Variants in ZNF75A observed in about 807,000 individuals in gnomAD.
The protein encoded by ZNF75A is zinc finger protein 75A.
In ZNF75A, 36 loss-of-function variants were observed where a neutral mutation model predicts 46.3. The ratio of observed to expected loss-of-function variants is 0.78; its 90% CI spans 0.60 to 1.03. The LOEUF (loss-of-function observed/expected upper bound fraction) is 1.03, where lower values mean the gene tolerates loss of function less well. ZNF75A is among the 50% of genes least tolerant of loss of function. The probability of loss-of-function intolerance (pLI) is 0.00; values close to 1 mark genes in which losing one functional copy is unlikely to be tolerated. For missense variants in ZNF75A, 595 were observed against 551.3 expected, an observed-to-expected ratio of 1.08 and a Z score of -0.79; for synonymous variants, 234 against 189.9, an observed-to-expected ratio of 1.23 and a Z score of -1.91.
At chr16:3,314,975 G>A in intron 5 of ZNF75A, 3 of 985,348 alleles carry the variant, frequency 3.0e-6, no homozygotes, top group Non-Finnish European at 3.6e-6. Flanking sequence ...GGAGCTGGTT[G>A]ATTCTCAACT....
Position 3,305,631 on chromosome 16 carries a change from C to T in ZNF75A, c.-129C>T, listed in dbSNP as rs910310444. 1.3e-5 allele frequency: 2 copies of T among 152,252 alleles called. No individual in the cohort carries two copies. The highest frequency in any genetic ancestry group is 6.5e-5 in the Admixed American group (1 of 15,292). 9.4% of individuals were successfully genotyped at this position (152,252 alleles called of 1,614,324 possible). A position where few individuals can be genotyped will look rare whatever the true frequency, so the allele number is the denominator to read the frequency against. ...AGCGAGGAGCGGCCTCCACGGAAGC[C>T]AAGCTGGCCGAGGTAACCGAGAAGC... On this transcript the variant is annotated 5_prime_UTR_variant, in exon 1 of 7. Coordinates refer to ENST00000669516, the MANE Select transcript of ZNF75A (RefSeq NM_001302109.2).
downstream of ZNF75A, among the ~76,000 whole-genome samples, chr16:3,321,400 T>C (rs1317413091): frequency 6.6e-6 from 1 of 152,190 alleles, no homozygotes; most frequent in Non-Finnish European, 1.5e-5. Context: ...TCCCCTGCAC[T>C]AGTCTAAGTT....
rs1011926721 is a variant in ZNF75A, at chr16:3,310,095, T to TA, written c.408+1270dup. ...GGCAACAGAGTGAGACCTTGTCTCTTAAAAAAAAAAATGTTTTAGGCCAGG... is the reference window on the plus strand; with the variant it reads ...GGCAACAGAGTGAGACCTTGTCTCTTAAAAAAAAAAAATGTTTTAGGCCAGG... On this transcript the variant is annotated intron_variant, in intron 2 of 6. Transcript: ENST00000669516. Among the ~76,000 whole-genome samples, 33 of 146,740 alleles carry TA rather than the reference T, an allele frequency of 2.2e-4. No homozygotes were observed. The East Asian group carries it at 2.4e-3, about 11-fold the overall frequency.
In ZNF75A at chr16:3,308,664, C is replaced by T. The variant is rs1960470672; in HGVS notation, c.236C>T (p.Pro79Leu). The stretch of plus-strand genomic sequence containing the variant: ...GAATTATGTCATCTATGGCTGAAGC[C>T]AGAGATCCACTCAAAAGAGCAGATA... ...LQELCHLWLK[P>L]EIHSKEQILE... The change falls in exon 2 of 7, where the codon CCA becomes CTA. Residue 79 changes from proline (P) to leucine (L), a missense_variant. Transcript: ENST00000669516. 1.0e-6 allele frequency: 1 copy of T among 989,284 alleles called. No homozygotes were observed. Among genetic ancestry groups the T allele is most frequent in the Non-Finnish European group, 1.2e-6 (1 of 831,132 alleles). The allele number at this position is 989,284 out of a possible 1,614,324, so 61.3% of individuals were successfully genotyped here.
downstream of ZNF75A, among the ~76,000 whole-genome samples, chr16:3,322,746 C>T (rs2029991157): frequency 2.0e-5 from 3 of 151,574 alleles, no homozygotes; most frequent in South Asian, 4.2e-4. Context: ...GACAAGTTAA[C>T]ATTTATTTTT....
Position 3,318,789 on chromosome 16 carries a change from A to T in ZNF75A, c.*920A>T. The T allele has an allele frequency of 2.0e-6, 2 of 985,442 alleles. No individual in the cohort carries two copies. Among genetic ancestry groups the T allele is most frequent in the Non-Finnish European group, 2.4e-6 (2 of 829,948 alleles). 61.0% of individuals were successfully genotyped at this position (985,442 alleles called of 1,614,324 possible). ...GGCAGGATCCTGTGGCTCATTTGGCATGGAGACCTGGACATGTAGTCAGCA... is the reference window on the plus strand; with the variant it reads ...GGCAGGATCCTGTGGCTCATTTGGCTTGGAGACCTGGACATGTAGTCAGCA... On this transcript the variant is annotated 3_prime_UTR_variant, in exon 7 of 7. Transcript: ENST00000669516.
intron 1 of ZNF75A, chr16:3,306,790 TG>T (rs1373965172): frequency 6.6e-6 from 1 of 152,184 alleles, no homozygotes; most frequent in Non-Finnish European, 1.5e-5. Flanking sequence ...AGCATCTTGT[TG>T]CTTACTTGGG....
downstream of ZNF75A, chr16:3,323,330 G>A: frequency 9.1e-7 from 1 of 1,103,902 alleles, no homozygotes; most frequent in African/African-American, 1.5e-5. Flanking sequence ...AGATCTCCTG[G>A]AAATGCTTCA....
At chr16:3,321,551 G>C (rs1384889162), downstream of ZNF75A, among the ~76,000 whole-genome samples, 1 of 152,048 alleles carries the variant, frequency 6.6e-6, no homozygotes, top group Non-Finnish European at 1.5e-5. Context: ...CCACAGCCTC[G>C]ATCTCCCAGT....
At chr16:3,307,178 G>C (rs1163014264) in intron 1 of ZNF75A, 1 of 152,118 alleles carries the variant, frequency 6.6e-6, no homozygotes, top group African/African-American at 2.4e-5. Context: ...TTGAAGTCCT[G>C]GTCTCAGGTG....
chr16:3,314,858 C>CT, intron 5 of ZNF75A: 2 of 985,408 alleles, frequency 2.0e-6, no homozygotes, highest in Non-Finnish European at 2.4e-6. Flanking sequence ...AACTGTAAGA[C>CT]TGTCATTTGT....
downstream of ZNF75A, among the ~76,000 whole-genome samples, chr16:3,321,610 C>T (rs1360605720): frequency 6.6e-6 from 1 of 152,202 alleles, no homozygotes; most frequent in African/African-American, 2.4e-5. Context: ...GGACTCCAGG[C>T]ACGTGCCACC....
intron 2 of ZNF75A, among the ~76,000 whole-genome samples, chr16:3,311,201 G>A (rs1167386321): frequency 1.3e-5 from 2 of 150,320 alleles, no homozygotes; most frequent in African/African-American, 2.5e-5. Flanking sequence ...ACTTTGGGAG[G>A]CTGAGGTGGG....
downstream of ZNF75A, among the ~76,000 whole-genome samples, chr16:3,320,094 G>A (rs1181369653): frequency 6.6e-6 from 1 of 151,962 alleles, no homozygotes; most frequent in Non-Finnish European, 1.5e-5. Flanking sequence ...TGCCCAGGCT[G>A]GAGTGCAGTG....
chr16:3,323,284 G>A, downstream of ZNF75A: 1 of 869,328 alleles, frequency 1.2e-6, no homozygotes, highest in East Asian at 2.4e-5. Context: ...GTAGCATGAT[G>A]GACCACTGAG....
Position 3,317,331 on chromosome 16 carries a change from A to G in ZNF75A, c.1076A>G (p.Asp359Gly), listed in dbSNP as rs1961292785. Residue 359 changes from aspartate (D) to glycine (G), a missense_variant, in exon 7 of 7, where the codon GAT (aspartate) becomes GGT (glycine). Transcript: ENST00000669516. ...QKTAGKENHF[D>G]MHRVGKWHQD... ...ACAGCAGGCAAAGAAAATCATTTTGATATGCACAGAGTGGGAAAATGGCAC... is the reference window on the plus strand; with the variant it reads ...ACAGCAGGCAAAGAAAATCATTTTGGTATGCACAGAGTGGGAAAATGGCAC... 1.9e-6 allele frequency: 3 copies of G among 1,614,160 alleles called. No individual in the cohort carries two copies. Among genetic ancestry groups the G allele is most frequent in the Admixed American group, 1.7e-5 (1 of 60,036 alleles).
intron 2 of ZNF75A, chr16:3,310,477 C>T (rs919215077): frequency 1.3e-5 from 2 of 154,822 alleles, no homozygotes; most frequent in Non-Finnish European, 2.8e-5. Flanking sequence ...ATACAAAAAT[C>T]AGCTGGGCAT....
chr16:3,317,759 A>G lies in ZNF75A; in HGVS notation c.1504A>G (p.Ile502Val), dbSNP rs2150831869. Residue 502 changes from isoleucine to valine, a missense_variant, in exon 7 of 7, where the codon ATT (isoleucine) becomes GTT (valine). Ile to Val is a conservative substitution (Grantham distance 29). Coordinates refer to ENST00000669516, the MANE Select transcript of ZNF75A (RefSeq NM_001302109.2). ...AAAATTCAGTCAGAACTCCCACCTTATTAAACACCGGAGAACCCACACAGG... is the reference window on the plus strand; with the variant it reads ...AAAATTCAGTCAGAACTCCCACCTTGTTAAACACCGGAGAACCCACACAGG... ...GKKFSQNSHL[I>V]KHRRTHTGEQ... is the part of the protein sequence containing the mutation. 4 of 1,614,212 alleles carry G rather than the reference A, an allele frequency of 2.5e-6. No individual in the cohort carries two copies. The highest frequency in any genetic ancestry group is 2.2e-5 in the East Asian group (1 of 44,890).
chr16:3,311,321 C>T (rs1044540791), intron 2 of ZNF75A, among the ~76,000 whole-genome samples: 2 of 151,928 alleles, frequency 1.3e-5, no homozygotes, highest in African/African-American at 4.8e-5. Context: ...ACCTGTAATC[C>T]CAGCTACTTG....
Sources: gnomAD v4.1 joint callset for allele counts (sites outside exome capture counted in the v4.1 genomes callset) on GRCh38, gnomAD v4.1.1 for gene constraint, MANE v1.5 for transcripts, NCBI Gene and HGNC (gene_info 2026-07-23, HGNC 2026-07-21) for gene names.